Variants in FAHD1 observed in about 807,000 individuals in gnomAD.
The protein encoded by FAHD1 is FAH domain containing oxaloacetate decarboxylase 1.
Under a neutral mutation model 12.7 loss-of-function variants are expected in FAHD1, and 14 were observed. The ratio of observed to expected loss-of-function variants is 1.10; its 90% CI spans 0.73 to 1.72. The LOEUF (loss-of-function observed/expected upper bound fraction) is 1.72, where lower values mean the gene tolerates loss of function less well. Among genes scored for constraint, FAHD1 ranks in the 40% most tolerant of loss-of-function variants. The pLI is 0.00. For synonymous variants in FAHD1, 153 were observed against 124.9 expected (o/e 1.22, Z -1.50); for missense variants, 351 against 298.9 (o/e 1.17, Z -1.29).
exon 3 of FAHD1, chr16:1,839,749 C>G (rs1898850662): frequency 3.6e-6 from 1 of 275,712 alleles, no homozygotes; most frequent in Admixed American, 5.0e-5. Flanking sequence ...GTATCCCAGC[C>G]TGCAGCCTTT....
intron 2 of FAHD1, among the ~76,000 whole-genome samples, chr16:1,838,545 C>A (rs1446218286): frequency 2.6e-5 from 4 of 152,096 alleles, no homozygotes; most frequent in African/African-American, 4.8e-5. Context: ...AAGGAGAAAA[C>A]GTGTAGCTGA....
chr16:1,827,423 C>T (rs1005546376), exon 1 of FAHD1: 3 of 1,609,936 alleles, frequency 1.9e-6, no homozygotes, highest in East Asian at 2.2e-5. Flanking sequence ...CCCGCGTACA[C>T]TCGCAACCTG....
intron 2 of FAHD1, among the ~76,000 whole-genome samples, chr16:1,838,782 C>A (rs1471259179): frequency 6.6e-6 from 1 of 152,124 alleles, no homozygotes; most frequent in East Asian, 1.9e-4. Flanking sequence ...ACTTCCACAT[C>A]CTGGGCTCAA....
intron 1 of FAHD1, chr16:1,834,032 T>C (rs1238249902): frequency 9.9e-6 from 4 of 406,072 alleles, no homozygotes; most frequent in Non-Finnish European, 1.7e-5. Flanking sequence ...TTTTCCAACT[T>C]GGGAGGAGAC....
downstream of FAHD1, among the ~76,000 whole-genome samples, chr16:1,831,748 T>C (rs990750565): frequency 6.6e-6 from 1 of 152,222 alleles, no homozygotes; most frequent in African/African-American, 2.4e-5. Flanking sequence ...GCCCGAGTTC[T>C]GCTTCCCGTC....
downstream of FAHD1, among the ~76,000 whole-genome samples, chr16:1,829,533 G>C (rs1475631084): frequency 6.6e-6 from 1 of 152,122 alleles, no homozygotes; most frequent in Non-Finnish European, 1.5e-5. Flanking sequence ...CTTGTAAGTA[G>C]ATACATAAGA....
downstream of FAHD1, among the ~76,000 whole-genome samples, chr16:1,830,691 TG>T (rs1274529529): frequency 6.6e-6 from 1 of 152,208 alleles, no homozygotes; most frequent in Non-Finnish European, 1.5e-5. Flanking sequence ...TTCCTGATAT[TG>T]CTAAAATCAT....
intron 2 of FAHD1, among the ~76,000 whole-genome samples, chr16:1,838,683 A>G (rs62038409): frequency 0.18 from 27,044 of 151,684 alleles, 2,566 homozygotes; most frequent in South Asian, 0.27. Flanking sequence ...ATGTTTCCTT[A>G]GTGTTTTGTT....
At chr16:1,839,025 A>C (rs1299495298) in intron 2 of FAHD1, among the ~76,000 whole-genome samples, 5 of 152,194 alleles carry the variant, frequency 3.3e-5, no homozygotes, top group Non-Finnish European at 7.3e-5. Flanking sequence ...CATTTAGGCT[A>C]ATGGCCTCAG....
downstream of FAHD1, chr16:1,829,064 A>T (rs238683): frequency 0.64 from 215,892 of 339,298 alleles, 72,570 homozygotes; most frequent in Non-Finnish European, 0.71. Flanking sequence ...CCAACCGGAG[A>T]TAAGGAGGCT....
intron 1 of FAHD1, among the ~76,000 whole-genome samples, chr16:1,835,162 G>A (rs1300476646): frequency 6.6e-6 from 1 of 152,070 alleles, no homozygotes; most frequent in Admixed American, 6.6e-5. Context: ...GCTGAGGCGG[G>A]AGGATCACTT....
At chr16:1,835,929 G>C (rs939581925) in intron 1 of FAHD1, among the ~76,000 whole-genome samples, 2 of 148,504 alleles carry the variant, frequency 1.3e-5, no homozygotes, top group African/African-American at 2.5e-5. Flanking sequence ...GTGAGATCTC[G>C]GCTCACTGCA....
intron 2 of FAHD1, among the ~76,000 whole-genome samples, chr16:1,839,013 T>C (rs1284725433): frequency 6.6e-6 from 1 of 152,172 alleles, no homozygotes; most frequent in East Asian, 1.9e-4. Flanking sequence ...TGTTTATTTA[T>C]CCATTTAGGC....
exon 1 of FAHD1, chr16:1,828,202 A>C: frequency 2.3e-6 from 2 of 853,000 alleles, no homozygotes; most frequent in Non-Finnish European, 3.0e-6. Context: ...AATCAATTGA[A>C]CCCGGGAGGC....
Position 1,828,653 on chromosome 16 carries a change from A to G in FAHD1, c.*749A>G, listed in dbSNP as rs564470414. 1.1e-5 allele frequency: 11 copies of G among 957,548 alleles called. No homozygotes were observed. The South Asian group carries it at 4.4e-4, about 39-fold the overall frequency. 59.3% of individuals were successfully genotyped at this position (957,548 alleles called of 1,614,324 possible). Reference sequence around the variant, plus strand: ...AAAAATCTCCACAAATTACTGGCCCATCTCGGACTTGCTGAATCAATTTGA... The same window carrying G: ...AAAAATCTCCACAAATTACTGGCCCGTCTCGGACTTGCTGAATCAATTTGA... On this transcript the variant is annotated 3_prime_UTR_variant, in exon 1 of 1. Transcript: ENST00000427358.
chr16:1,834,965 T>C (rs1434421929), intron 1 of FAHD1, among the ~76,000 whole-genome samples: 1 of 98,164 alleles, frequency 1.0e-5, no homozygotes, highest in African/African-American at 4.0e-5. Context: ...AAAAAATGTC[T>C]AATGCAGGGC....
At chr16:1,837,752 T>C (rs1351047825) in intron 1 of FAHD1, 18 of 1,070,844 alleles carry the variant, frequency 1.7e-5, no homozygotes, top group Non-Finnish European at 2.3e-5. Flanking sequence ...AATAAATATA[T>C]AGAATAATAT....
At chr16:1,834,547 T>A (rs1300197741) in intron 1 of FAHD1, among the ~76,000 whole-genome samples, 3 of 152,244 alleles carry the variant, frequency 2.0e-5, no homozygotes, top group African/African-American at 7.2e-5. Flanking sequence ...GGAGTACAGT[T>A]AATTTACAGG....
rs200357596 is a variant in FAHD1, at chr16:1,827,542, G to C, written c.304G>C (p.Ala102Pro). The C allele has an allele frequency of 1.7e-5, 28 of 1,613,274 alleles. No homozygotes were observed. In the South Asian group the frequency reaches 2.7e-4, roughly 16 times the overall value. ...CTATGCCCTGTGCCTGGATATGACC[G>C]CCCGGGACGTGCAGGACGAGTGCAA... The change falls in exon 1 of 1, where the codon GCC (alanine) becomes CCC (proline). Residue 102 changes from alanine to proline, a missense_variant. Coordinates refer to ENST00000427358, the Ensembl canonical transcript of FAHD1.
Sources: allele counts gnomAD v4.1 joint callset (sites outside exome capture counted in the v4.1 genomes callset), GRCh38; gene constraint gnomAD v4.1.1; transcripts MANE v1.5; gene names NCBI Gene and HGNC (gene_info 2026-07-23, HGNC 2026-07-21).